C9: variants seen among roughly 807,000 people sequenced by gnomAD.
C9 encodes complement component C9.
C9 carries 63 observed loss-of-function variants against 65.4 expected under a neutral mutation model. That is an observed-to-expected ratio of 0.96 (90% CI 0.79 to 1.19). C9 has a LOEUF of 1.19. Ranked by LOEUF, C9 falls within the 50% of genes most tolerant of loss-of-function variation. C9 has a pLI of 0.00. For missense variants in C9, 744 were observed against 670.1 expected, an observed-to-expected ratio of 1.11 and a Z score of -1.22; for synonymous variants, 229 against 227.9, an observed-to-expected ratio of 1.00 and a Z score of -0.04.
chr5:39,299,598 A>G (rs1487763001), intron 9 of C9, among the ~76,000 whole-genome samples: 2 of 152,152 alleles, frequency 1.3e-5, no homozygotes, highest in African/African-American at 4.8e-5. Flanking sequence ...AAAGAAGCCA[A>G]ATTCAAAAAG....
intron 4 of C9, among the ~76,000 whole-genome samples, chr5:39,335,659 G>GT (rs1753950590): frequency 6.6e-6 from 1 of 152,180 alleles, no homozygotes; most frequent in African/African-American, 2.4e-5. Context: ...CATCCTGAAA[G>GT]TTTTGTACAT....
At chr5:39,318,789 A>G (rs1463493794) in intron 5 of C9, among the ~76,000 whole-genome samples, 3 of 152,322 alleles carry the variant, frequency 2.0e-5, no homozygotes, top group Admixed American at 6.5e-5. Flanking sequence ...TGAAATGTAT[A>G]TAGTTATCTT....
At chr5:39,357,328 C>T (rs1275237050) in intron 1 of C9, among the ~76,000 whole-genome samples, 1 of 152,170 alleles carries the variant, frequency 6.6e-6, no homozygotes, top group Non-Finnish European at 1.5e-5. Flanking sequence ...TCATGCAACT[C>T]GTCAAGATGA....
chr5:39,337,636 G>A (rs948784816), intron 4 of C9, among the ~76,000 whole-genome samples: 1 of 152,262 alleles, frequency 6.6e-6, no homozygotes, highest in Non-Finnish European at 1.5e-5. Flanking sequence ...CAGAAGTGGT[G>A]TTATGCTTAG....
chr5:39,349,360 A>T (rs2367866), intron 1 of C9, among the ~76,000 whole-genome samples: 30,242 of 151,884 alleles, frequency 0.2, 3,774 homozygotes, highest in Non-Finnish European at 0.28. Flanking sequence ...TATTAAACAT[A>T]AAAAGCCAAG....
intron 5 of C9, among the ~76,000 whole-genome samples, chr5:39,323,230 C>A (rs1278842652): frequency 6.6e-6 from 1 of 151,866 alleles, no homozygotes; most frequent in African/African-American, 2.4e-5. Context: ...TGAAGTCTAC[C>A]AGATATTTAA....
Position 39,359,102 on chromosome 5 carries a change from G to GTGTGTGTGTGTATATATA in C9, c.77+5285_77+5286insTATATATACACACACACA, listed in dbSNP as rs1407613505. Among the ~76,000 whole-genome samples, 321 of 103,654 alleles carry GTGTGTGTGTGTATATATA rather than the reference G, an allele frequency of 3.1e-3. 1 individual carries two copies. Among genetic ancestry groups the GTGTGTGTGTGTATATATA allele is most frequent in the Non-Finnish European group, 5.4e-3 (280 of 52,128 alleles). 68.0% of individuals were successfully genotyped at this position (103,654 alleles called of 152,430 possible). Reference sequence around the variant, plus strand: ...TGTATATATATATGTGTGTGTGTGTGTATATATATATATATATATATATGT... The same window carrying GTGTGTGTGTGTATATATA: ...TGTATATATATATGTGTGTGTGTGTGTGTGTGTGTGTATATATATATATATATATATATATATATATGT... On this transcript the variant is annotated intron_variant, in intron 1 of 10. Coordinates refer to ENST00000263408, the MANE Select transcript of C9 (RefSeq NM_001737.5).
rs368197327 is a variant in C9 at position 39,360,652 on chromosome 5, C to T, written c.77+3736G>A. Among the ~76,000 whole-genome samples, 41 of 151,792 alleles carry T rather than the reference C, an allele frequency of 2.7e-4. No individual in the cohort carries two copies. The South Asian group carries it at 5.8e-3, about 22-fold the overall frequency. ...ATGGACAAAGGAAATGAATAGTTCGCGAAGAAAAACATATATATGGCCTTT... is the reference window on the plus strand; with the variant it reads ...ATGGACAAAGGAAATGAATAGTTCGTGAAGAAAAACATATATATGGCCTTT... On this transcript the variant is annotated intron_variant, in intron 1 of 10. Transcript: ENST00000263408.
Position 39,342,894 on chromosome 5 carries a change from T to A in C9, c.78-698A>T, listed in dbSNP as rs868531093. 2.4e-4 allele frequency among the ~76,000 whole-genome samples: 37 copies of A among 152,162 alleles called. 1 individual carries two copies. The highest frequency in any genetic ancestry group is 3.2e-3 in the Middle Eastern group (1 of 316). On this transcript the variant is annotated intron_variant, in intron 1 of 10. Coordinates refer to ENST00000263408, the MANE Select transcript of C9 (RefSeq NM_001737.5). The stretch of plus-strand genomic sequence containing the variant: ...CTTTCCTTTCTCCGTTGGTTCACCA[T>A]TTGAGTCTCTTCTGGTTGAAATATC...
In C9 at chr5:39,341,246, C is replaced by T. The variant is rs199939436; in HGVS notation, c.376G>A (p.Gly126Arg). Residue 126 changes from glycine (G) to arginine (R), a missense_variant, in exon 4 of 11, where the codon GGA becomes AGA. Transcript: ENST00000263408. ...RLRCNGDNDC[G>R]DFSDEDDCES... ...CAATCATCCTCATCTGAAAAGTCTCCGCAGTCATTGTCACCATTACACCGA... is the reference window on the plus strand; with the variant it reads ...CAATCATCCTCATCTGAAAAGTCTCTGCAGTCATTGTCACCATTACACCGA... 1.7e-4 allele frequency: 273 copies of T among 1,614,020 alleles called. No individual in the cohort carries two copies. The highest frequency in any genetic ancestry group is 8.2e-4 in the Middle Eastern group (5 of 6,084).
intron 1 of C9, among the ~76,000 whole-genome samples, chr5:39,351,271 G>A (rs1426643878): frequency 6.6e-6 from 1 of 152,168 alleles, no homozygotes; most frequent in East Asian, 1.9e-4. Context: ...AGATATCCAA[G>A]CCTGTGATGG....
At position 39,306,667 on chromosome 5, in the gene C9, C is replaced by T. The variant is rs1753383842; in HGVS notation, c.1366G>A (p.Val456Ile). The T allele has an allele frequency of 3.1e-6, 5 of 1,613,806 alleles. No homozygotes were observed. The highest frequency in any genetic ancestry group is 2.2e-5 in the East Asian group (1 of 44,866). Reference sequence around the variant, plus strand: ...TCATTTATGGAAGAGGCCCAGTTGACAAAGTCAGTCACATCAATCACGGTT... The same window carrying T: ...TCATTTATGGAAGAGGCCCAGTTGATAAAGTCAGTCACATCAATCACGGTT... ...RGTVIDVTDF[V>I]NWASSINDAP... Residue 456 changes from valine to isoleucine, a missense_variant, in exon 9 of 11, where the codon GTC becomes ATC. Transcript: ENST00000263408.
intron 6 of C9, among the ~76,000 whole-genome samples, chr5:39,312,763 T>A (rs985149240): frequency 6.6e-6 from 1 of 152,180 alleles, no homozygotes; most frequent in African/African-American, 2.4e-5. Flanking sequence ...GATGATTATG[T>A]GGGAGTTTAA....
chr5:39,342,545 A>G (rs1169796926), intron 1 of C9, among the ~76,000 whole-genome samples: 1 of 152,140 alleles, frequency 6.6e-6, no homozygotes, highest in African/African-American at 2.4e-5. Flanking sequence ...GAAGCCAGAA[A>G]TCTGATTTTA....
chr5:39,349,411 T>C (rs754134926), intron 1 of C9, among the ~76,000 whole-genome samples: 2 of 152,220 alleles, frequency 1.3e-5, no homozygotes, highest in Non-Finnish European at 2.9e-5. Context: ...ACACATTTTC[T>C]TCCAACCACT....
intron 4 of C9, among the ~76,000 whole-genome samples, chr5:39,340,448 C>T (rs1754054018): frequency 6.6e-6 from 1 of 151,962 alleles, no homozygotes; most frequent in Non-Finnish European, 1.5e-5. Context: ...CCTAGGATGC[C>T]CTCTGACTAT....
At position 39,333,643 on chromosome 5, in the gene C9, G is replaced by A. The variant is rs955882521; in HGVS notation, c.477-1829C>T. On this transcript the variant is annotated intron_variant, in intron 4 of 10. Transcript: ENST00000263408. Reference sequence around the variant, plus strand: ...GTCTCCCCTCTCCCTCTCTTTCCACGGTCTCCCTCTCATGCCGAGCGGCAG... The same window carrying A: ...GTCTCCCCTCTCCCTCTCTTTCCACAGTCTCCCTCTCATGCCGAGCGGCAG... Among the ~76,000 whole-genome samples, 7 of 145,476 alleles carry A rather than the reference G, an allele frequency of 4.8e-5. No homozygotes were observed. The East Asian group carries it at 1.3e-3, about 27-fold the overall frequency.
intron 5 of C9, among the ~76,000 whole-genome samples, chr5:39,330,415 G>C (rs906980715): frequency 6.6e-6 from 1 of 152,040 alleles, no homozygotes; most frequent in Non-Finnish European, 1.5e-5. Flanking sequence ...ATTCTATGTC[G>C]TACAAGTTAT....
At position 39,297,995 on chromosome 5, in the gene C9, A is replaced by C. The variant is rs181617004; in HGVS notation, c.1416+8622T>G. Among the ~76,000 whole-genome samples the C allele has an allele frequency of 3.3e-5, 5 of 151,890 alleles. No homozygotes were observed. In the East Asian group the frequency reaches 5.8e-4, roughly 18 times the overall value. ...TATGTCCTCAGACCAAACAAAATGA[A>C]AGTTGAAATAAGTAACAGAAAGCTA... On this transcript the variant is annotated intron_variant, in intron 9 of 10. Transcript: ENST00000263408.
Sources: gnomAD v4.1 joint callset for allele counts (sites outside exome capture counted in the v4.1 genomes callset) on GRCh38, gnomAD v4.1.1 for gene constraint, MANE v1.5 for transcripts, NCBI Gene and HGNC (gene_info 2026-07-23, HGNC 2026-07-21) for gene names.